Variants in TMEM114 observed in about 807,000 individuals in gnomAD.
The protein encoded by TMEM114 is claudin-26.
TMEM114 carries 6 observed loss-of-function variants against 6.2 expected under a neutral mutation model. The observed-to-expected ratio is 0.97, with a 90% CI of 0.53 to 1.91. The LOEUF is 1.91. Ranked by LOEUF, TMEM114 falls within the 40% of genes most tolerant of loss-of-function variation. The pLI is 0.01. For missense variants in TMEM114, 218 were observed against 158.3 expected (o/e 1.38, Z -2.02); for synonymous variants, 104 against 73.0 (o/e 1.42, Z -2.16).
At chr16:8,558,271 AG>A (rs1290509316) in intron 2 of TMEM114, among the ~76,000 whole-genome samples, 6 of 152,108 alleles carry the variant, frequency 3.9e-5, no homozygotes, top group Admixed American at 3.9e-4. Context: ...AAAAAAACAA[AG>A]TTCAAAATCA....
chr16:8,588,192 C>T (rs1236918693), intron 2 of TMEM114, among the ~76,000 whole-genome samples: 2 of 150,820 alleles, frequency 1.3e-5, no homozygotes, highest in African/African-American at 4.9e-5. Context: ...GAGGCTGAGA[C>T]AGGAGAATCG....
the TMEM114 span, among the ~76,000 whole-genome samples, chr16:8,529,540 T>C: frequency 6.6e-6 from 1 of 152,188 alleles, no homozygotes; most frequent in Non-Finnish European, 1.5e-5. Flanking sequence ...CTGGGTTGTT[T>C]GTTTAAATGC....
intron 2 of TMEM114, among the ~76,000 whole-genome samples, chr16:8,538,617 C>T (rs138019853): frequency 0.016 from 2,390 of 152,172 alleles, 64 homozygotes; most frequent in African/African-American, 0.055. Flanking sequence ...ACGCCATTCT[C>T]TTGCCTCAGC....
downstream of TMEM114, among the ~76,000 whole-genome samples, chr16:8,565,791 A>G (rs1317851048): frequency 6.6e-6 from 1 of 152,122 alleles, no homozygotes. Flanking sequence ...GAACATAACA[A>G]TGCCCAGGTC....
intron 2 of TMEM114, among the ~76,000 whole-genome samples, chr16:8,553,901 C>G (rs1365952240): frequency 6.7e-6 from 1 of 149,880 alleles, no homozygotes; most frequent in East Asian, 2.0e-4. Flanking sequence ...TCTTTTGAGA[C>G]AGGGTCTCTC....
chr16:8,530,786 G>A, the TMEM114 span, among the ~76,000 whole-genome samples: 7 of 152,250 alleles, frequency 4.6e-5, no homozygotes, highest in South Asian at 1.5e-3. Flanking sequence ...CACTTTGGGA[G>A]GCCGAGTCAG....
chr16:8,538,224 GA>G (rs1373265124), intron 2 of TMEM114, among the ~76,000 whole-genome samples: 1 of 151,338 alleles, frequency 6.6e-6, no homozygotes, highest in Non-Finnish European at 1.5e-5. Context: ...AGGATCACTG[GA>G]GCCTAGAAAA....
chr16:8,538,662 C>G (rs1900431330), intron 2 of TMEM114, among the ~76,000 whole-genome samples: 1 of 152,072 alleles, frequency 6.6e-6, no homozygotes, highest in Non-Finnish European at 1.5e-5. Flanking sequence ...CGCCCGCCAC[C>G]ACGCCCAGCT....
intron 2 of TMEM114, among the ~76,000 whole-genome samples, chr16:8,561,577 A>G (rs1901200929): frequency 6.6e-6 from 1 of 152,254 alleles, no homozygotes; most frequent in African/African-American, 2.4e-5. Context: ...CAAAGAAGTC[A>G]CTGTTGAATG....
chr16:8,567,219 G>A (rs143490650), downstream of TMEM114, among the ~76,000 whole-genome samples: 845 of 152,048 alleles, frequency 5.6e-3, 6 homozygotes, highest in African/African-American at 0.02. Context: ...TCATCACCCT[G>A]TTTTGTTTTC....
chr16:8,538,133 C>CCA (rs766316433), intron 2 of TMEM114, among the ~76,000 whole-genome samples: 1 of 76,336 alleles, frequency 1.3e-5, no homozygotes, highest in African/African-American at 5.6e-5. Context: ...ACTGTCTCTA[C>CCA]AAAAAAAAAA....
chr16:8,535,325 C>T (rs77235004), downstream of TMEM114, among the ~76,000 whole-genome samples: 19,361 of 152,068 alleles, frequency 0.13, 1,294 homozygotes, highest in Admixed American at 0.16. Flanking sequence ...TCCTCTAGCC[C>T]TGAGATAGCA....
chr16:8,564,217 G>GGAAA (rs368885922), intron 2 of TMEM114, among the ~76,000 whole-genome samples: 33 of 144,146 alleles, frequency 2.3e-4, no homozygotes, highest in South Asian at 2.2e-3. Context: ...GAATGAGTGA[G>GGAAA]TTAGTGAATG....
At chr16:8,560,999 CAA>C (rs1901181173) in intron 2 of TMEM114, among the ~76,000 whole-genome samples, 1 of 152,172 alleles carries the variant, frequency 6.6e-6, no homozygotes, top group African/African-American at 2.4e-5. Flanking sequence ...GAGAGCCAAG[CAA>C]AAGAGGGAAA....
At chr16:8,555,203 G>A (rs1269472879) in intron 2 of TMEM114, among the ~76,000 whole-genome samples, 4 of 152,156 alleles carry the variant, frequency 2.6e-5, no homozygotes, top group Admixed American at 1.3e-4. Flanking sequence ...CATCCCAAAG[G>A]TATGCACTAC....
intron 2 of TMEM114, among the ~76,000 whole-genome samples, chr16:8,542,805 C>T (rs186989079): frequency 6.6e-6 from 1 of 152,252 alleles, no homozygotes; most frequent in African/African-American, 2.4e-5. Flanking sequence ...CTCAACTCCC[C>T]AATCCTCCCA....
At chr16:8,562,634 C>G (rs118118657) in intron 2 of TMEM114, among the ~76,000 whole-genome samples, 2,136 of 107,334 alleles carry the variant, frequency 0.02, 38 homozygotes, top group Non-Finnish European at 0.032. Context: ...GTGAATGAAT[C>G]AGTCAGTAAG....
chr16:8,550,518 A>C (rs1194132942), intron 2 of TMEM114, among the ~76,000 whole-genome samples: 1 of 152,030 alleles, frequency 6.6e-6, no homozygotes, highest in Non-Finnish European at 1.5e-5. Context: ...ATCTCTACTA[A>C]AAATACAAAA....
At chr16:8,567,591 C>T (rs568669942), downstream of TMEM114, among the ~76,000 whole-genome samples, 2 of 152,154 alleles carry the variant, frequency 1.3e-5, no homozygotes, top group Non-Finnish European at 2.9e-5. Flanking sequence ...CTGGCCTCTT[C>T]CCACTGGAGC....
Sources: gnomAD v4.1 joint callset for allele counts (sites outside exome capture counted in the v4.1 genomes callset) on GRCh38, gnomAD v4.1.1 for gene constraint, MANE v1.5 for transcripts, NCBI Gene and HGNC (gene_info 2026-07-23, HGNC 2026-07-21) for gene names.